The following NTM variants were observed in gnomAD, a reference collection of about 807,000 sequenced individuals.
NTM encodes IgLON family member 2.
Under a neutral mutation model 42.1 loss-of-function variants are expected in NTM, and 13 were observed. The observed-to-expected ratio is 0.31, with a 90% CI of 0.20 to 0.49. The LOEUF is 0.49. Ranked by LOEUF, NTM falls within the 20% of genes least tolerant of loss-of-function variation. The pLI, the probability that NTM is intolerant of heterozygous loss-of-function variation, is 0.99. For synonymous variants in NTM, 187 were observed against 179.2 expected (o/e 1.04, Z -0.35); for missense variants, 373 against 452.8 (o/e 0.82, Z 1.60).
intron 2 of NTM, among the ~76,000 whole-genome samples, chr11:132,066,957 A>AT (rs55941052): frequency 0.021 from 3,200 of 150,218 alleles, 126 homozygotes; most frequent in African/African-American, 0.072. Flanking sequence ...TTTGTGAAAC[A>AT]TTTTTTTTTT....
chr11:131,848,827 C>T (rs189384380), intron 1 of NTM, among the ~76,000 whole-genome samples: 15 of 152,240 alleles, frequency 9.9e-5, no homozygotes, highest in Admixed American at 7.2e-4. Context: ...CTTTTAATTA[C>T]ATCATAGTGC....
chr11:132,298,666 C>T (rs1244648197), intron 4 of NTM, among the ~76,000 whole-genome samples: 1 of 152,130 alleles, frequency 6.6e-6, no homozygotes, highest in Non-Finnish European at 1.5e-5. Context: ...TAAGTTGAAG[C>T]TTCTCTTTAA....
At chr11:131,435,978 T>C (rs1316301511) in intron 1 of NTM, among the ~76,000 whole-genome samples, 1 of 152,222 alleles carries the variant, frequency 6.6e-6, no homozygotes, top group Non-Finnish European at 1.5e-5. Context: ...CCTAGGTTAC[T>C]GAGAGTTTTT....
chr11:131,873,656 TATATATACAC>T (rs1243574760), intron 1 of NTM, among the ~76,000 whole-genome samples: 3 of 118,588 alleles, frequency 2.5e-5, no homozygotes, highest in African/African-American at 9.8e-5. Context: ...TATACACACA[TATATATACAC>T]ATATATATAT....
At chr11:132,163,924 C>T (rs1405535596) in intron 3 of NTM, among the ~76,000 whole-genome samples, 2 of 151,764 alleles carry the variant, frequency 1.3e-5, no homozygotes, top group Admixed American at 6.6e-5. Flanking sequence ...CTGGATGTTT[C>T]TGTTGTTTAC....
intron 2 of NTM, among the ~76,000 whole-genome samples, chr11:132,091,162 G>A (rs2060330082): frequency 2.0e-5 from 3 of 152,124 alleles, no homozygotes; most frequent in Admixed American, 6.5e-5. Context: ...GGTTGAAGTA[G>A]GAAGATTGCT....
intron 4 of NTM, among the ~76,000 whole-genome samples, chr11:132,239,725 T>C (rs1421676371): frequency 2.6e-5 from 4 of 152,234 alleles, no homozygotes; most frequent in Non-Finnish European, 4.4e-5. Flanking sequence ...GCCATACATA[T>C]GAAGTGTGAG....
intron 1 of NTM, chr11:131,539,684 AG>A (rs923610337): frequency 6.6e-6 from 1 of 152,476 alleles, no homozygotes; most frequent in African/African-American, 2.4e-5. Flanking sequence ...AGGAAAGCAA[AG>A]GGCTTTGAGG....
At chr11:131,587,984 T>C (rs2059023566) in intron 1 of NTM, among the ~76,000 whole-genome samples, 1 of 152,264 alleles carries the variant, frequency 6.6e-6, no homozygotes, top group South Asian at 2.1e-4. Flanking sequence ...AGACAACTAG[T>C]AATAAAGCAT....
intron 1 of NTM, among the ~76,000 whole-genome samples, chr11:131,390,973 C>T (rs79285797): frequency 3.2e-4 from 48 of 152,264 alleles, no homozygotes; most frequent in Admixed American, 6.5e-4. Flanking sequence ...TGAACTACTA[C>T]GCCCAGTCCC....
chr11:131,614,186 T>G (rs1239472249), intron 1 of NTM, among the ~76,000 whole-genome samples: 1 of 152,118 alleles, frequency 6.6e-6, no homozygotes. Context: ...GGGAGCTCCC[T>G]TCTCATGATG....
At chr11:131,974,356 T>A (rs1016060433) in intron 2 of NTM, among the ~76,000 whole-genome samples, 1 of 152,240 alleles carries the variant, frequency 6.6e-6, no homozygotes, top group South Asian at 2.1e-4. Flanking sequence ...CCAAAATGCA[T>A]TTAGGCTAGC....
chr11:131,921,835 C>T (rs2057265738), intron 2 of NTM, among the ~76,000 whole-genome samples: 1 of 151,986 alleles, frequency 6.6e-6, no homozygotes, highest in African/African-American at 2.4e-5. Context: ...CAGCACAAAC[C>T]CTATTGTATC....
rs201051124 is a variant in NTM at position 132,129,636 on chromosome 11, A to G, written c.168-16646A>G. 2.0e-5 allele frequency among the ~76,000 whole-genome samples: 3 copies of G among 152,226 alleles called. No homozygotes were observed. In the East Asian group the frequency reaches 5.8e-4, roughly 29 times the overall value. ...TTCCTGTGGGCTCTACCTCAAAGTC[A>G]TGGAAGGGAAGACTTCTTAGGAAAT... On this transcript the variant is annotated intron_variant, in intron 2 of 8. Coordinates refer to ENST00000683400, the MANE Select transcript of NTM (RefSeq NM_001352005.2).
At chr11:132,334,970 C>A in intron 8 of NTM, 76 bp from the exon 9 acceptor site, 1 of 1,570,218 alleles carries the variant, frequency 6.4e-7, no homozygotes, top group South Asian at 1.2e-5. Flanking sequence ...GGCCAAATGA[C>A]AGCAGACCAG....
intron 1 of NTM, among the ~76,000 whole-genome samples, chr11:131,397,402 A>C (rs1944682248): frequency 6.6e-6 from 1 of 152,058 alleles, no homozygotes; most frequent in Admixed American, 6.6e-5. Flanking sequence ...ACAGGGGTAA[A>C]CTGAGGCTTT....
chr11:131,672,217 C>A (rs1469159661), intron 1 of NTM, among the ~76,000 whole-genome samples: 1 of 152,186 alleles, frequency 6.6e-6, no homozygotes, highest in Admixed American at 6.5e-5. Flanking sequence ...GCAAGGGGAC[C>A]CTTGAACATT....
At chr11:131,670,479 G>A (rs534582149) in intron 1 of NTM, among the ~76,000 whole-genome samples, 2 of 151,922 alleles carry the variant, frequency 1.3e-5, no homozygotes, top group South Asian at 4.1e-4. Flanking sequence ...GTGGCTGTCT[G>A]TTTCGTTCCC....
At chr11:132,317,774 C>T (rs2095469508) in intron 7 of NTM, 1 of 774,744 alleles carries the variant, frequency 1.3e-6, no homozygotes, top group Non-Finnish European at 2.0e-6. Flanking sequence ...TTACCCGAAG[C>T]ACTTGTCTGT....
Sources: gnomAD v4.1 joint callset for allele counts (sites outside exome capture counted in the v4.1 genomes callset) on GRCh38, gnomAD v4.1.1 for gene constraint, MANE v1.5 for transcripts, NCBI Gene and HGNC (gene_info 2026-07-23, HGNC 2026-07-21) for gene names.